ADGRE2: variants seen among roughly 807,000 people sequenced by gnomAD.
The protein encoded by ADGRE2 is adhesion G protein-coupled receptor E2, also known as CD97 antigen.
In ADGRE2, 83 loss-of-function variants were observed where a neutral mutation model predicts 100.8. The observed-to-expected ratio is 0.82, with a 90% CI of 0.69 to 0.99. The LOEUF (loss-of-function observed/expected upper bound fraction) is 0.99, where lower values mean the gene tolerates loss of function less well. Ranked by LOEUF, ADGRE2 falls within the 50% of genes least tolerant of loss-of-function variation. ADGRE2 has a pLI of 0.00. For synonymous variants in ADGRE2, 355 were observed against 413.0 expected, an observed-to-expected ratio of 0.86 and a Z score of 1.70; for missense variants, 814 against 1,035.7, an observed-to-expected ratio of 0.79 and a Z score of 2.94.
intron 6 of ADGRE2, among the ~76,000 whole-genome samples, chr19:14,766,659 C>T (rs1323384618): frequency 4.6e-5 from 7 of 152,222 alleles, no homozygotes; most frequent in Non-Finnish European, 8.8e-5. Context: ...AATCTCTCTC[C>T]TGCTCCCTCC....
chr19:14,724,697 C>T, the ADGRE2 span, among the ~76,000 whole-genome samples: 5 of 150,110 alleles, frequency 3.3e-5, no homozygotes, highest in African/African-American at 5.0e-5. Flanking sequence ...ACCCAGGAGG[C>T]GGAGGTTGCA....
chr19:14,752,877 T>G (rs1384844550), intron 14 of ADGRE2, among the ~76,000 whole-genome samples: 1 of 152,024 alleles, frequency 6.6e-6, no homozygotes, highest in Non-Finnish European at 1.5e-5. Flanking sequence ...GTTCAAGCGA[T>G]TCTCGTGTCT....
rs2042711218 is a variant in ADGRE2 at position 14,734,297 on chromosome 19, T to G, written c.*1939A>C. The stretch of plus-strand genomic sequence containing the variant: ...GGGAGGCTGAGGCCTGCGGATTGCC[T>G]GAGCTCAGGAGATTAAGACCTGAGC... On this transcript the variant is annotated 3_prime_UTR_variant, in exon 21 of 21. Transcript: ENST00000315576. The G allele has an allele frequency of 6.6e-6, 1 of 152,196 alleles. No homozygotes were observed. The highest frequency in any genetic ancestry group is 6.5e-5 in the Admixed American group (1 of 15,274). The allele number at this position is 152,196 out of a possible 1,614,324, so 9.4% of individuals were successfully genotyped here.
chr19:14,730,891 C>T (rs558212653), downstream of ADGRE2, among the ~76,000 whole-genome samples: 6 of 151,998 alleles, frequency 3.9e-5, no homozygotes, highest in South Asian at 1.3e-3. Context: ...CTCTCTCTTA[C>T]AGGTGAGAAC....
chr19:14,752,083 G>A (rs192479956), intron 15 of ADGRE2, among the ~76,000 whole-genome samples: 2 of 151,650 alleles, frequency 1.3e-5, no homozygotes, highest in Non-Finnish European at 2.9e-5. Flanking sequence ...ACAGGTATGC[G>A]CCACCATGCC....
chr19:14,776,572 T>C, intron 2 of ADGRE2, 154 bp downstream of exon 2: 1 of 879,976 alleles, frequency 1.1e-6, no homozygotes, highest in South Asian at 1.6e-5. Context: ...CCAGCCCCTC[T>C]CGCCGTGTGC....
At position 14,765,341 on chromosome 19, in the gene ADGRE2, G is replaced by A. The variant is rs566087285; in HGVS notation, c.885C>T (p.Gly295=). ...VQDLGRDYKP[G]LANNTIQSIL... ...TTACCTGGATGGTGTTATTGGCCAA[G>A]CCTGGCTTGTAGTCTCTGCCCAGGT... Residue 295 remains glycine (G), a synonymous_variant, in exon 10 of 21, where the codon GGC becomes GGT. Transcript: ENST00000315576. 48 of 1,614,126 alleles carry A rather than the reference G, an allele frequency of 3.0e-5. No individual in the cohort carries two copies. The South Asian group carries it at 4.4e-4, about 15-fold the overall frequency.
rs200330090 is a variant in ADGRE2, at chr19:14,746,311, G to T, written c.2104C>A (p.Leu702Ile). The change falls in exon 18 of 21, where the codon CTC becomes ATC. Residue 702 changes from leucine (L) to isoleucine (I), a missense_variant. Coordinates refer to ENST00000315576, the MANE Select transcript of ADGRE2 (RefSeq NM_013447.4). The part of the protein sequence containing the change: ...VCAIFSVNLV[L>I]FLVTLWILKN... ...AAAATCCAGAGAGTCACCAGAAAGAGAACTAAATTCACCTTCAGAAAACCA... is the reference window on the plus strand; with the variant it reads ...AAAATCCAGAGAGTCACCAGAAAGATAACTAAATTCACCTTCAGAAAACCA... The T allele has an allele frequency of 1.9e-4, 297 of 1,597,472 alleles. No homozygotes were observed. The highest frequency in any genetic ancestry group is 2.5e-4 in the Non-Finnish European group (293 of 1,167,016).
chr19:14,776,226 G>T (rs1359311849), intron 2 of ADGRE2, among the ~76,000 whole-genome samples: 1 of 152,030 alleles, frequency 6.6e-6, no homozygotes, highest in Admixed American at 6.6e-5. Context: ...CGGAGATTAG[G>T]GAGATAGAGA....
Position 14,736,182 on chromosome 19 carries a change from G to A in ADGRE2, c.*54C>T, listed in dbSNP as rs2081125424. 1 of 1,562,096 alleles carries A rather than the reference G, an allele frequency of 6.4e-7. No homozygotes were observed. The highest frequency in any genetic ancestry group is 1.7e-5 in the Admixed American group (1 of 59,352). ...TTCTTTCCCCTCTAGATGGCTCAAA[G>A]ATTGTTCAGATTTTCCACGGGCAAA... On this transcript the variant is annotated 3_prime_UTR_variant, in exon 21 of 21. Transcript: ENST00000315576.
intron 15 of ADGRE2, 74 bp from the exon 16 acceptor site, chr19:14,751,745 T>C (rs1323553978): frequency 9.6e-7 from 1 of 1,038,616 alleles, no homozygotes; most frequent in East Asian, 2.5e-5. Context: ...CTGTACCATG[T>C]TGTTGGGGAG....
chr19:14,736,839 C>CTAAATATATAGATATCTAATATATATATA (rs2042766380), intron 20 of ADGRE2, among the ~76,000 whole-genome samples: 1 of 136,310 alleles, frequency 7.3e-6, no homozygotes, highest in Non-Finnish European at 1.6e-5. Flanking sequence ...TATTTAATAT[C>CTAAATATATAGATATCTAATATATATATA]TATATATTTA....
At chr19:14,731,070 T>C, downstream of ADGRE2, 1 of 966,144 alleles carries the variant, frequency 1.0e-6, no homozygotes, top group Non-Finnish European at 1.6e-6. Context: ...TGCCCTGGTC[T>C]CAAGCACCGC....
In ADGRE2 at chr19:14,755,790, A is replaced by C; in HGVS notation, c.1280T>G (p.Met427Arg). 6.2e-7 allele frequency: 1 copy of C among 1,614,186 alleles called. No homozygotes were observed. Among genetic ancestry groups the C allele is most frequent in the Non-Finnish European group, 8.5e-7 (1 of 1,180,016 alleles). ...APLVLEPEKQ[M>R]LLHETHQGLL... ...GCCCTGGTGTGTCTCATGCAGAAGCATCTGCTTCTCAGGTTCCAGGACCAG... is the reference window on the plus strand; with the variant it reads ...GCCCTGGTGTGTCTCATGCAGAAGCCTCTGCTTCTCAGGTTCCAGGACCAG... The change falls in exon 13 of 21, where the codon ATG becomes AGG. Residue 427 changes from methionine to arginine, a missense_variant. By Grantham distance (91) the Met-to-Arg change is moderately conservative. Around this residue, in one of 5 missense-constraint regions of ADGRE2, gnomAD observed 569 missense variants for 692.7 expected, o/e 0.82. Transcript: ENST00000315576.
At chr19:14,743,360 G>A in intron 20 of ADGRE2, 60 bp downstream of exon 20, 1 of 1,360,080 alleles carries the variant, frequency 7.4e-7, no homozygotes, top group Non-Finnish European at 1.1e-6. Context: ...TTGTGTGATA[G>A]GCACATGCTC....
chr19:14,728,296 T>C (rs1318442200), downstream of ADGRE2, among the ~76,000 whole-genome samples: 1 of 152,214 alleles, frequency 6.6e-6, no homozygotes. Flanking sequence ...TCTTCGAATA[T>C]TTTTTCTATC....
Position 14,752,334 on chromosome 19 carries a change from G to A in ADGRE2, c.1783C>T (p.His595Tyr). Reference sequence around the variant, plus strand: ...TGGAACACCGCTGTCAATACCTTGTGTCCGGTTTGATCAATTGCCACGAGG... The same window carrying A: ...TGGAACACCGCTGTCAATACCTTGTATCCGGTTTGATCAATTGCCACGAGG... ...LFLVAIDQTG[H>Y]KVLCSIIAGT... is the part of the protein sequence containing the mutation. The change falls in exon 15 of 21, where the codon CAC (histidine) becomes TAC (tyrosine). Residue 595 changes from histidine to tyrosine, a missense_variant. Transcript: ENST00000315576. The A allele has an allele frequency of 6.2e-7, 1 of 1,614,102 alleles. No homozygotes were observed. Among genetic ancestry groups the A allele is most frequent in the Non-Finnish European group, 8.5e-7 (1 of 1,179,978 alleles).
chr19:14,736,384 C>G, intron 20 of ADGRE2, 140 bp from the exon 21 acceptor site: 1 of 546,140 alleles, frequency 1.8e-6, no homozygotes, highest in Middle Eastern at 4.9e-4. Flanking sequence ...GTCTCAGCCT[C>G]CAGAGTAGCC....
At position 14,764,189 on chromosome 19, in the gene ADGRE2, A is replaced by G. The variant is rs2043861130; in HGVS notation, c.1084+244T>C. On this transcript the variant is annotated intron_variant, in intron 11 of 20. Coordinates refer to ENST00000315576, the MANE Select transcript of ADGRE2 (RefSeq NM_013447.4). ...GCGATCCTCTCACCTCAGCCTCCCAACTAGCTGGGGCCACAGTTGTGCCAT... is the reference window on the plus strand; with the variant it reads ...GCGATCCTCTCACCTCAGCCTCCCAGCTAGCTGGGGCCACAGTTGTGCCAT... Among the ~76,000 whole-genome samples, 2 of 151,866 alleles carry G rather than the reference A, an allele frequency of 1.3e-5. 1 individual carries two copies. The highest frequency in any genetic ancestry group is 4.2e-4 in the South Asian group (2 of 4,814).
Sources: gnomAD v4.1 joint callset for allele counts (sites outside exome capture counted in the v4.1 genomes callset) on GRCh38, gnomAD v4.1.1 for gene constraint, gnomAD v4.1.1 regional missense constraint, MANE v1.5 for transcripts, NCBI Gene and HGNC (gene_info 2026-07-23, HGNC 2026-07-21) for gene names.